Variants in PHF24 observed in about 807,000 individuals in gnomAD.
PHF24 encodes Galpha inhibitory interacting protein.
Under a neutral mutation model 42.6 loss-of-function variants are expected in PHF24, and 25 were observed. That is an observed-to-expected ratio of 0.59 (90% CI 0.43 to 0.82). The LOEUF is 0.82. PHF24 is among the 40% of genes least tolerant of loss of function. The probability of loss-of-function intolerance (pLI) is 0.00; values close to 1 mark genes in which losing one functional copy is unlikely to be tolerated. For synonymous variants in PHF24, 185 were observed against 204.8 expected, an observed-to-expected ratio of 0.90 and a Z score of 0.83; for missense variants, 470 against 538.1, an observed-to-expected ratio of 0.87 and a Z score of 1.25.
At chr9:34,734,006 TAGAA>T in the PHF24 span, among the ~76,000 whole-genome samples, 203 of 152,300 alleles carry the variant, frequency 1.3e-3, 1 homozygote, top group African/African-American at 4.5e-3. Context: ...CTGGATTCCT[TAGAA>T]AGGAAAGTTG....
the PHF24 span, among the ~76,000 whole-genome samples, chr9:34,870,130 C>A: frequency 1.3e-5 from 2 of 151,912 alleles, no homozygotes; most frequent in Non-Finnish European, 2.9e-5. Context: ...CATATGCCCC[C>A]ACCCCAGCAA....
At chr9:34,689,336 C>T in the PHF24 span, among the ~76,000 whole-genome samples, 19 of 152,174 alleles carry the variant, frequency 1.2e-4, no homozygotes, top group Middle Eastern at 3.4e-3. The surrounding 1 kb of genome is among the most constrained non-coding windows in gnomAD (Gnocchi z 4.1). Context: ...TGAGGCTGAT[C>T]CTGAGAGCAT....
chr9:34,804,270 T>A, the PHF24 span, among the ~76,000 whole-genome samples: 1 of 152,116 alleles, frequency 6.6e-6, no homozygotes, highest in African/African-American at 2.4e-5. Context: ...AAGTTTGAGG[T>A]GATGTGAGGA....
chr9:34,913,037 G>C, the PHF24 span, among the ~76,000 whole-genome samples: 25 of 151,910 alleles, frequency 1.6e-4, no homozygotes, highest in Non-Finnish European at 2.2e-4. Flanking sequence ...GAGAAATACA[G>C]TATCTGAAAT....
chr9:34,706,880 A>C, the PHF24 span, among the ~76,000 whole-genome samples: 2 of 152,020 alleles, frequency 1.3e-5, no homozygotes, highest in Non-Finnish European at 2.9e-5. Flanking sequence ...AATCCCAGCA[A>C]CTTGGAGCCT....
the PHF24 span, among the ~76,000 whole-genome samples, chr9:34,851,590 C>G: frequency 2.6e-5 from 4 of 152,234 alleles, no homozygotes; most frequent in Non-Finnish European, 4.4e-5. Context: ...TCGGCTCGCA[C>G]ACAGTGCGCT....
chr9:34,822,300 T>A, the PHF24 span, among the ~76,000 whole-genome samples: 1 of 152,226 alleles, frequency 6.6e-6, no homozygotes. Flanking sequence ...GGACTTTCTA[T>A]AAAATTTCTT....
chr9:34,732,397 ATCTTCTTTTGAGAAATG>A, the PHF24 span, among the ~76,000 whole-genome samples: 1 of 152,242 alleles, frequency 6.6e-6, no homozygotes, highest in Non-Finnish European at 1.5e-5. Context: ...CAATTTGTAT[ATCTTCTTTTGAGAAATG>A]TCTTCTTTTG....
the PHF24 span, among the ~76,000 whole-genome samples, chr9:34,698,334 C>G: frequency 6.6e-6 from 1 of 152,018 alleles, no homozygotes; most frequent in Non-Finnish European, 1.5e-5. Flanking sequence ...GAGATGGGGA[C>G]AAGCTGAAAA....
chr9:34,910,333 T>TTAAC, the PHF24 span, among the ~76,000 whole-genome samples: 1 of 152,180 alleles, frequency 6.6e-6, no homozygotes, highest in East Asian at 1.9e-4. Context: ...ACATTAAAAA[T>TTAAC]TAACTTAGAA....
At chr9:34,893,758 C>G in the PHF24 span, among the ~76,000 whole-genome samples, 1 of 152,084 alleles carries the variant, frequency 6.6e-6, no homozygotes, top group Non-Finnish European at 1.5e-5. Flanking sequence ...CTCTGTTGAC[C>G]TTGTTGAAAA....
At chr9:34,945,005 A>T in the PHF24 span, among the ~76,000 whole-genome samples, 1 of 152,320 alleles carries the variant, frequency 6.6e-6, no homozygotes, top group East Asian at 1.9e-4. Context: ...CCCTCTGCAA[A>T]GCATCAATTC....
chr9:34,932,888 T>A, the PHF24 span, among the ~76,000 whole-genome samples: 1 of 151,936 alleles, frequency 6.6e-6, no homozygotes, highest in Admixed American at 6.6e-5. Flanking sequence ...GCTTCTCTCT[T>A]CTCTATCACA....
chr9:34,819,852 A>C, the PHF24 span, among the ~76,000 whole-genome samples: 1 of 152,128 alleles, frequency 6.6e-6, no homozygotes, highest in Non-Finnish European at 1.5e-5. Flanking sequence ...TCTGTAAGCT[A>C]CTGATCTGTG....
chr9:34,811,931 C>A, the PHF24 span, among the ~76,000 whole-genome samples: 5 of 151,910 alleles, frequency 3.3e-5, no homozygotes, highest in Non-Finnish European at 7.4e-5. Context: ...TATAAAGAAC[C>A]CTACAACTCA....
At chr9:34,817,910 T>C in the PHF24 span, among the ~76,000 whole-genome samples, 1 of 152,250 alleles carries the variant, frequency 6.6e-6, no homozygotes, top group Admixed American at 6.5e-5. Context: ...AAATCTCTAT[T>C]CTGTTTCATA....
intron 6 of PHF24, 48 bp from the exon 7 acceptor site, chr9:34,977,498 A>T (rs1287786129): frequency 6.5e-7 from 1 of 1,535,174 alleles, no homozygotes; most frequent in Admixed American, 1.9e-5. Flanking sequence ...GGGAGGGGGC[A>T]GGCATTTCAC....
At chr9:34,768,783 G>A in the PHF24 span, among the ~76,000 whole-genome samples, 2 of 152,046 alleles carry the variant, frequency 1.3e-5, no homozygotes, top group African/African-American at 4.8e-5. Context: ...GAAATTGAAA[G>A]CATTAAAAAA....
At chr9:34,754,924 C>G in the PHF24 span, among the ~76,000 whole-genome samples, 6 of 152,078 alleles carry the variant, frequency 3.9e-5, no homozygotes, top group Non-Finnish European at 5.9e-5. Context: ...AACTGGAAGT[C>G]ATTATGTTAA....
Sources: allele counts gnomAD v4.1 joint callset (sites outside exome capture counted in the v4.1 genomes callset), GRCh38; gene constraint gnomAD v4.1.1; non-coding constraint Gnocchi (gnomAD v3.1); transcripts MANE v1.5; gene names NCBI Gene and HGNC (gene_info 2026-07-23, HGNC 2026-07-21).